Variants in IL1RAPL1 observed in about 807,000 individuals in gnomAD.
IL1RAPL1 encodes the protein interleukin-1 receptor accessory protein-like 1.
Under a neutral mutation model 48.4 loss-of-function variants are expected in IL1RAPL1, and 3 were observed. The observed-to-expected ratio is 0.06, with a 90% CI of 0.03 to 0.16. IL1RAPL1 has a LOEUF of 0.16. Ranked by LOEUF, IL1RAPL1 falls within the 10% of genes least tolerant of loss-of-function variation. The pLI, the probability that IL1RAPL1 is intolerant of heterozygous loss-of-function variation, is 1.00. For synonymous variants in IL1RAPL1, 185 were observed against 187.7 expected (o/e 0.99, Z 0.12); for missense variants, 349 against 530.6 (o/e 0.66, Z 3.36).
chrX:29,073,206 T>G (rs2147442057), intron 2 of IL1RAPL1, among the ~76,000 whole-genome samples: 1 of 112,442 alleles, frequency 8.9e-6, no homozygotes, highest in African/African-American at 3.2e-5. Flanking sequence ...TTCAAAAATC[T>G]TAATCATATT....
At chrX:29,609,113 T>A (rs764357053) in intron 5 of IL1RAPL1, among the ~76,000 whole-genome samples, 3 of 112,075 alleles carry the variant, frequency 2.7e-5, no homozygotes, top group African/African-American at 9.7e-5. Flanking sequence ...CCATACCAAT[T>A]GAATCATTCA....
At chrX:29,331,505 T>C (rs1292930816) in intron 3 of IL1RAPL1, among the ~76,000 whole-genome samples, 1 of 111,890 alleles carries the variant, frequency 8.9e-6, no homozygotes, top group Non-Finnish European at 1.9e-5. Flanking sequence ...CAGAGAAATA[T>C]CTGCACAAAA....
intron 1 of IL1RAPL1, among the ~76,000 whole-genome samples, chrX:28,686,793 A>G (rs1935116528): frequency 8.9e-6 from 1 of 111,916 alleles, no homozygotes; most frequent in African/African-American, 3.2e-5. Flanking sequence ...ACCTCTCTCT[A>G]TTCTGCCTTC....
At chrX:28,949,319 T>G (rs1211350850) in intron 2 of IL1RAPL1, among the ~76,000 whole-genome samples, 1 of 110,865 alleles carries the variant, frequency 9.0e-6, no homozygotes, top group Admixed American at 9.7e-5. Context: ...TTGTGTGCTT[T>G]CATTTGCACA....
intron 5 of IL1RAPL1, among the ~76,000 whole-genome samples, chrX:29,506,831 T>G (rs1324932518): frequency 9.0e-6 from 1 of 110,853 alleles, no homozygotes; most frequent in African/African-American, 3.3e-5. Context: ...GTACTCCTGA[T>G]GTTTCCAGTG....
intron 5 of IL1RAPL1, among the ~76,000 whole-genome samples, chrX:29,584,096 C>T (rs964892344): frequency 3.6e-5 from 4 of 111,292 alleles, no homozygotes; most frequent in Non-Finnish European, 5.7e-5. Flanking sequence ...GCCTACAGCC[C>T]TGATCCCTGC....
intron 2 of IL1RAPL1, among the ~76,000 whole-genome samples, chrX:29,022,130 C>G (rs901621443): frequency 9.0e-6 from 1 of 111,308 alleles, no homozygotes; most frequent in Non-Finnish European, 1.9e-5. Flanking sequence ...TCTTCATTCT[C>G]CCTCTCTTCC....
intron 1 of IL1RAPL1, among the ~76,000 whole-genome samples, chrX:28,672,245 G>A (rs1039986139): frequency 9.9e-5 from 11 of 111,431 alleles, no homozygotes; most frequent in Non-Finnish European, 2.1e-4. Flanking sequence ...ATAAAATTAG[G>A]GTTTTTTATA....
intron 5 of IL1RAPL1, among the ~76,000 whole-genome samples, chrX:29,489,444 A>G (rs980332538): frequency 8.9e-6 from 1 of 112,066 alleles, no homozygotes; most frequent in Admixed American, 9.5e-5. Context: ...GCTAAGCTAA[A>G]CAAAAAATGA....
chrX:29,941,921 A>T (rs1297835884), intron 9 of IL1RAPL1, 127 bp downstream of exon 9: 1 of 584,272 alleles, frequency 1.7e-6, no homozygotes, highest in Non-Finnish European at 2.8e-6. Context: ...TTCAGTGCTC[A>T]GTTTGTAAAT....
chrX:28,812,000 A>T (rs1370383379), intron 2 of IL1RAPL1, among the ~76,000 whole-genome samples: 1 of 110,877 alleles, frequency 9.0e-6, no homozygotes, highest in African/African-American at 3.3e-5. Flanking sequence ...TAGGAGAATT[A>T]TACATGATAT....
At chrX:28,854,989 A>G (rs1299667323) in intron 2 of IL1RAPL1, among the ~76,000 whole-genome samples, 2 of 110,220 alleles carry the variant, frequency 1.8e-5, no homozygotes, top group Non-Finnish European at 1.9e-5. Context: ...TGTGCCTAGC[A>G]TATTTGACAT....
At chrX:29,287,102 A>G (rs1179031748) in intron 3 of IL1RAPL1, among the ~76,000 whole-genome samples, 2 of 110,595 alleles carry the variant, frequency 1.8e-5, no homozygotes, top group Non-Finnish European at 3.8e-5. Context: ...CCCAACCCCA[A>G]TCCCAAACCC....
intron 5 of IL1RAPL1, among the ~76,000 whole-genome samples, chrX:29,540,787 G>T (rs941630920): frequency 9.0e-6 from 1 of 111,550 alleles, no homozygotes; most frequent in Non-Finnish European, 1.9e-5. Flanking sequence ...AACTCAAAAT[G>T]GGCAAAATAT....
intron 8 of IL1RAPL1, among the ~76,000 whole-genome samples, chrX:29,936,362 T>A (rs1933033388): frequency 9.0e-6 from 1 of 111,295 alleles, no homozygotes; most frequent in Admixed American, 9.6e-5. Flanking sequence ...TGTCATGCAT[T>A]TTCCCCACAA....
intron 6 of IL1RAPL1, among the ~76,000 whole-genome samples, chrX:29,906,522 T>TATATATATATA (rs1932635634): frequency 1.6e-5 from 1 of 62,832 alleles, no homozygotes; most frequent in Non-Finnish European, 2.9e-5. Flanking sequence ...TATATATATA[T>TATATATATATA]TTCTGTAGCC....
intron 5 of IL1RAPL1, among the ~76,000 whole-genome samples, chrX:29,599,429 T>G (rs1047605394): frequency 1.8e-5 from 2 of 112,095 alleles, no homozygotes; most frequent in Non-Finnish European, 3.8e-5. Context: ...TACCTGATGC[T>G]TTTGCCTCAC....
intron 6 of IL1RAPL1, among the ~76,000 whole-genome samples, chrX:29,678,342 CTTTTTTTTTTT>C (rs140827802): frequency 4.8e-4 from 20 of 41,712 alleles, no homozygotes; most frequent in African/African-American, 1.8e-3. Context: ...TTCAACACTA[CTTTTTTTTTTT>C]TTTTTTTTTT....
At chrX:29,066,366 C>T (rs1198431335) in intron 2 of IL1RAPL1, among the ~76,000 whole-genome samples, 1 of 112,414 alleles carries the variant, frequency 8.9e-6, no homozygotes, top group African/African-American at 3.2e-5. Flanking sequence ...CTGTATCTTT[C>T]CCTGATCTCT....
Sources: allele counts gnomAD v4.1 joint callset (sites outside exome capture counted in the v4.1 genomes callset), GRCh38; gene constraint gnomAD v4.1.1; transcripts MANE v1.5; gene names NCBI Gene and HGNC (gene_info 2026-07-23, HGNC 2026-07-21).